Variants in GAB2 observed in about 807,000 individuals in gnomAD.
The protein encoded by GAB2 is GRB2-associated-binding protein 2.
GAB2 carries 26 observed loss-of-function variants against 65.5 expected under a neutral mutation model. The observed-to-expected ratio is 0.40, with a 90% CI of 0.29 to 0.55. The LOEUF (loss-of-function observed/expected upper bound fraction) is 0.55. GAB2 is among the 20% of genes least tolerant of loss of function. The pLI, the probability that GAB2 is intolerant of heterozygous loss-of-function variation, is 0.53. For missense variants in GAB2, 884 were observed against 875.8 expected (o/e 1.01, Z -0.12); for synonymous variants, 321 against 329.6 (o/e 0.97, Z 0.28).
Position 78,216,232 on chromosome 11 carries a change from AGAAGTGGAGCTG to A in GAB2, c.*3028_*3039del, listed in dbSNP as rs1400582958. 1 of 152,404 alleles carries A rather than the reference AGAAGTGGAGCTG, an allele frequency of 6.6e-6. No homozygotes were observed. The highest frequency in any genetic ancestry group is 1.5e-5 in the Non-Finnish European group (1 of 68,126). 9.4% of individuals were successfully genotyped at this position (152,404 alleles called of 1,614,324 possible). A position where few individuals can be genotyped will look rare whatever the true frequency, so the allele number is the denominator to read the frequency against. On this transcript the variant is annotated 3_prime_UTR_variant, in exon 10 of 10. Coordinates refer to ENST00000361507, the MANE Select transcript of GAB2 (RefSeq NM_080491.3). ...TCGTTCTCACTTGACTTAACCTTGC[AGAAGTGGAGCTG>A]GAAGTGGGTGAAGAAGGCTCCTTGG...
intron 5 of GAB2, among the ~76,000 whole-genome samples, chr11:78,224,180 A>G (rs909803479): frequency 6.6e-6 from 1 of 152,194 alleles, no homozygotes; most frequent in Non-Finnish European, 1.5e-5. Flanking sequence ...GCATCCACTA[A>G]TAATTTTTGA....
At chr11:78,415,697 C>T (rs927998859) in intron 1 of GAB2, among the ~76,000 whole-genome samples, 1 of 152,118 alleles carries the variant, frequency 6.6e-6, no homozygotes, top group Non-Finnish European at 1.5e-5. Context: ...GGCCATCATA[C>T]GACTAGATTC....
chr11:78,277,388 C>T (rs910743403), intron 2 of GAB2, among the ~76,000 whole-genome samples: 2 of 152,166 alleles, frequency 1.3e-5, no homozygotes, highest in Non-Finnish European at 1.5e-5. Context: ...GAATGTCAGG[C>T]AACCATCAGG....
chr11:78,273,500 C>T lies in GAB2; in HGVS notation c.376+7101G>A, dbSNP rs543323906. Among the ~76,000 whole-genome samples, 394 of 152,322 alleles carry T rather than the reference C, an allele frequency of 2.6e-3. 7 individuals are homozygous for T. The highest frequency in any genetic ancestry group is 0.02 in the Middle Eastern group (6 of 294). On this transcript the variant is annotated intron_variant, in intron 2 of 9. Coordinates refer to ENST00000361507, the MANE Select transcript of GAB2 (RefSeq NM_080491.3). ...CCCCTTTGTTTTGGCCAATTTCTCC[C>T]ATTTAGAATGGCTGTATTTACCCAA...
In GAB2 at chr11:78,253,004, C is replaced by CTTTTTTT. The variant is rs984989129; in HGVS notation, c.377-2611_377-2605dup. Among the ~76,000 whole-genome samples the CTTTTTTT allele has an allele frequency of 1.9e-3, 205 of 106,972 alleles. 3 individuals are homozygous for CTTTTTTT. Among genetic ancestry groups the CTTTTTTT allele is most frequent in the African/African-American group, 5.7e-3 (137 of 23,974 alleles). The allele number at this position is 106,972 out of a possible 152,430, so 70.2% of individuals were successfully genotyped here. ...CTCAGATGACTTACAAATATCTTTC[C>CTTTTTTT]TTTTTTTTTTTTTTTTTTTTTTGTG... On this transcript the variant is annotated intron_variant, in intron 2 of 9. Transcript: ENST00000361507.
chr11:78,324,330 T>G (rs906317642), intron 1 of GAB2, among the ~76,000 whole-genome samples: 1 of 152,180 alleles, frequency 6.6e-6, no homozygotes, highest in Non-Finnish European at 1.5e-5. Context: ...TATTTACTTA[T>G]GATGCTGTGA....
intron 1 of GAB2, among the ~76,000 whole-genome samples, chr11:78,291,846 G>A (rs139639317): frequency 2.6e-5 from 4 of 151,934 alleles, no homozygotes; most frequent in South Asian, 2.1e-4. Flanking sequence ...AATTACAGAT[G>A]AGCCACTGTA....
chr11:78,323,239 G>A (rs1855759912), intron 1 of GAB2, among the ~76,000 whole-genome samples: 1 of 152,178 alleles, frequency 6.6e-6, no homozygotes, highest in African/African-American at 2.4e-5. Context: ...TCTTGATGAG[G>A]TGGCTCAGGT....
chr11:78,230,004 T>C (rs1864793749), intron 3 of GAB2, among the ~76,000 whole-genome samples: 1 of 152,202 alleles, frequency 6.6e-6, no homozygotes, highest in Admixed American at 6.5e-5. Flanking sequence ...GTGTTACCTA[T>C]ATTAGGCACC....
intron 1 of GAB2, among the ~76,000 whole-genome samples, 191 bp downstream of exon 1, chr11:78,417,455 C>T (rs1336306087): frequency 6.6e-6 from 1 of 151,496 alleles, no homozygotes; most frequent in African/African-American, 2.4e-5. Context: ...CTGCCGCCCG[C>T]CCCGCCCCTC....
intron 2 of GAB2, among the ~76,000 whole-genome samples, chr11:78,255,603 G>C (rs1038000837): frequency 6.6e-6 from 1 of 152,166 alleles, no homozygotes; most frequent in African/African-American, 2.4e-5. Flanking sequence ...TGAGGTTCCG[G>C]GGAGGTGCTA....
At chr11:78,234,961 G>C (rs533372570) in intron 3 of GAB2, among the ~76,000 whole-genome samples, 2 of 151,982 alleles carry the variant, frequency 1.3e-5, no homozygotes, top group African/African-American at 4.8e-5. Flanking sequence ...AATGAGCTGA[G>C]ATCATGCCAC....
intron 1 of GAB2, chr11:78,392,392 T>C (rs1432637934): frequency 6.6e-6 from 1 of 152,194 alleles, no homozygotes; most frequent in Admixed American, 6.5e-5. Flanking sequence ...ATAGAAAACA[T>C]TTCAGTTGTT....
chr11:78,398,021 T>TACACAC (rs1554999817), intron 1 of GAB2, among the ~76,000 whole-genome samples: 18 of 112,528 alleles, frequency 1.6e-4, no homozygotes, highest in African/African-American at 5.0e-4. Flanking sequence ...TGTGAATAGC[T>TACACAC]ACACACACAC....
At chr11:78,417,606 C>A in intron 1 of GAB2, 40 bp downstream of exon 1, 1 of 1,164,952 alleles carries the variant, frequency 8.6e-7, no homozygotes, top group Non-Finnish European at 1.1e-6. Context: ...GGCCCCGGAG[C>A]GCCCCCCGCC....
chr11:78,366,235 A>C (rs558728260), intron 1 of GAB2, among the ~76,000 whole-genome samples: 1 of 152,286 alleles, frequency 6.6e-6, no homozygotes, highest in East Asian at 1.9e-4. Context: ...TCTTAATGAT[A>C]GGGAAATCAC....
intron 1 of GAB2, among the ~76,000 whole-genome samples, chr11:78,305,704 T>C (rs551406045): frequency 1.3e-5 from 2 of 152,296 alleles, no homozygotes; most frequent in Admixed American, 1.3e-4. Context: ...GCTAAATAAA[T>C]ATTAGAGTTG....
chr11:78,350,463 AT>A (rs1403223505), intron 1 of GAB2, among the ~76,000 whole-genome samples: 1 of 152,194 alleles, frequency 6.6e-6, no homozygotes, highest in Non-Finnish European at 1.5e-5. Context: ...TCAGTTTCTC[AT>A]GCACTTCCTC....
chr11:78,367,103 G>C (rs2134723554), intron 1 of GAB2, among the ~76,000 whole-genome samples: 1 of 152,258 alleles, frequency 6.6e-6, no homozygotes, highest in Middle Eastern at 3.4e-3. Flanking sequence ...CAGGGGTAAA[G>C]GGGAACATAG....
Sources: allele counts gnomAD v4.1 joint callset (sites outside exome capture counted in the v4.1 genomes callset), GRCh38; gene constraint gnomAD v4.1.1; transcripts MANE v1.5; gene names NCBI Gene and HGNC (gene_info 2026-07-23, HGNC 2026-07-21).